PEX7: variants seen among roughly 807,000 people sequenced by gnomAD.
The protein encoded by PEX7 is peroxisomal biogenesis factor 7, also known as PTS2 receptor.
A neutral mutation model predicts 47.5 loss-of-function variants in PEX7; 34 were observed. That is an observed-to-expected ratio of 0.72 (90% confidence interval 0.54 to 0.95). The LOEUF is 0.95. PEX7 is among the 40% of genes least tolerant of loss of function. PEX7 has a pLI of 0.00. For missense variants in PEX7, 394 were observed against 400.3 expected (o/e 0.98, Z 0.13); for synonymous variants, 141 against 148.8 (o/e 0.95, Z 0.38).
chr6:136,848,900 T>C (rs1481347370), intron 5 of PEX7, among the ~76,000 whole-genome samples: 1 of 152,186 alleles, frequency 6.6e-6, no homozygotes, highest in East Asian at 1.9e-4. Flanking sequence ...CTTGTTCTAT[T>C]GATTGGAATA....
intron 5 of PEX7, among the ~76,000 whole-genome samples, chr6:136,847,858 A>G (rs1350748686): frequency 2.0e-5 from 3 of 152,098 alleles, no homozygotes; most frequent in African/African-American, 2.4e-5. Context: ...GAACTTTAAA[A>G]TAGTTTTTTC....
At chr6:136,881,111 T>C (rs1375569231) in intron 8 of PEX7, among the ~76,000 whole-genome samples, 1 of 152,058 alleles carries the variant, frequency 6.6e-6, no homozygotes, top group African/African-American at 2.4e-5. Context: ...GATAATTCAG[T>C]CCATAAGAAT....
intron 3 of PEX7, among the ~76,000 whole-genome samples, chr6:136,832,362 C>A (rs1774310393): frequency 6.6e-6 from 1 of 152,266 alleles, no homozygotes; most frequent in Non-Finnish European, 1.5e-5. Flanking sequence ...CACTCAGGCC[C>A]ACAAAACCAT....
chr6:136,825,157 C>G lies in PEX7; in HGVS notation c.131-57C>G, dbSNP rs377217778. 1.6e-5 allele frequency: 23 copies of G among 1,418,342 alleles called. No individual in the cohort carries two copies. In the Admixed American group the frequency reaches 3.7e-4, roughly 23 times the overall value. 87.9% of individuals were successfully genotyped at this position (1,418,342 alleles called of 1,614,324 possible). A position where few individuals can be genotyped will look rare whatever the true frequency, so the allele number is the denominator to read the frequency against. ...TATCAATTACTTGATAACTCCTTGA[C>G]TTTCGATGTTACCCTGGCAGGTTCA... On this transcript the variant is annotated intron_variant, in intron 1 of 9. Coordinates refer to ENST00000318471, the MANE Select transcript of PEX7 (RefSeq NM_000288.4).
intron 3 of PEX7, among the ~76,000 whole-genome samples, chr6:136,828,749 A>G (rs1205216750): frequency 6.6e-6 from 1 of 152,196 alleles, no homozygotes; most frequent in Non-Finnish European, 1.5e-5. Flanking sequence ...TTACCACCAT[A>G]GTCTTGAGCC....
chr6:136,848,529 T>A (rs765742605), intron 5 of PEX7, among the ~76,000 whole-genome samples: 1 of 152,220 alleles, frequency 6.6e-6, no homozygotes, highest in Non-Finnish European at 1.5e-5. Context: ...ATCCCATCAA[T>A]ACCTAGTTTA....
chr6:136,911,261 C>T (rs1014044341), intron 9 of PEX7, among the ~76,000 whole-genome samples: 2 of 152,114 alleles, frequency 1.3e-5, no homozygotes, highest in African/African-American at 4.8e-5. Context: ...TTCTGTATGT[C>T]CTCACTTGTT....
At chr6:136,888,809 C>G (rs1305907285) in intron 8 of PEX7, among the ~76,000 whole-genome samples, 1 of 152,038 alleles carries the variant, frequency 6.6e-6, no homozygotes, top group Non-Finnish European at 1.5e-5. Flanking sequence ...AATGTGGTTT[C>G]CACTTTAAAT....
At chr6:136,901,170 T>C (rs1775747328) in intron 9 of PEX7, 1 of 152,742 alleles carries the variant, frequency 6.5e-6, no homozygotes, top group Non-Finnish European at 1.5e-5. Flanking sequence ...TGGGCAGCTA[T>C]AGGAGAGAGA....
At chr6:136,845,812 T>TA in intron 4 of PEX7, 120 bp downstream of exon 4, 1 of 749,384 alleles carries the variant, frequency 1.3e-6, no homozygotes, top group Non-Finnish European at 2.3e-6. Flanking sequence ...GAGCTTTCTT[T>TA]TAAAAAAAAA....
At chr6:136,855,045 G>A (rs933494202) in intron 5 of PEX7, among the ~76,000 whole-genome samples, 9 of 151,082 alleles carry the variant, frequency 6.0e-5, no homozygotes, top group East Asian at 3.9e-4. Context: ...CCGAGATAGC[G>A]CCACCGTACC....
intron 8 of PEX7, among the ~76,000 whole-genome samples, chr6:136,872,909 A>G (rs1404828083): frequency 6.6e-6 from 1 of 152,174 alleles, no homozygotes; most frequent in African/African-American, 2.4e-5. Context: ...TTTGAAAAAA[A>G]CAATCTTACT....
chr6:136,899,607 T>C (rs565267364), intron 9 of PEX7, among the ~76,000 whole-genome samples: 3 of 152,240 alleles, frequency 2.0e-5, no homozygotes, highest in Admixed American at 6.5e-5. Context: ...CTCGAACTCC[T>C]GACCTCAAGT....
Position 136,894,993 on chromosome 6 carries a change from C to A in PEX7, c.804-3149C>A, listed in dbSNP as rs147087054. The stretch of plus-strand genomic sequence containing the variant: ...ACTTACGCGATAGATGCATGAAGGC[C>A]CTTGGATATATAGCACTTATGGGAT... On this transcript the variant is annotated intron_variant, in intron 8 of 9. Transcript: ENST00000318471. 2.0e-3 allele frequency among the ~76,000 whole-genome samples: 307 copies of A among 152,086 alleles called. 3 individuals are homozygous for A. The highest frequency in any genetic ancestry group is 6.7e-3 in the African/African-American group (277 of 41,498).
At chr6:136,840,704 A>G (rs747636835) in intron 3 of PEX7, among the ~76,000 whole-genome samples, 1 of 152,212 alleles carries the variant, frequency 6.6e-6, no homozygotes, top group Non-Finnish European at 1.5e-5. Flanking sequence ...CTCTTAAGAG[A>G]AATCATAGAC....
chr6:136,854,156 C>T (rs1250404510), intron 5 of PEX7, among the ~76,000 whole-genome samples: 1 of 151,994 alleles, frequency 6.6e-6, no homozygotes, highest in Non-Finnish European at 1.5e-5. Flanking sequence ...ATCAATTAAC[C>T]CTTTCATTTA....
intron 1 of PEX7, among the ~76,000 whole-genome samples, 194 bp from the exon 2 acceptor site, chr6:136,825,020 A>T (rs1424027882): frequency 6.6e-6 from 1 of 152,228 alleles, no homozygotes; most frequent in Non-Finnish European, 1.5e-5. Context: ...AGAAATAGAG[A>T]ACACATTTGG....
intron 3 of PEX7, among the ~76,000 whole-genome samples, chr6:136,827,839 G>A (rs971699338): frequency 6.6e-6 from 1 of 151,858 alleles, no homozygotes; most frequent in African/African-American, 2.4e-5. Flanking sequence ...GCCAATTTTT[G>A]TGTGTGTGTG....
chr6:136,882,176 T>TTC (rs1491507201), intron 8 of PEX7, among the ~76,000 whole-genome samples: 2 of 72,728 alleles, frequency 2.7e-5, no homozygotes, highest in African/African-American at 1.3e-4. Context: ...CTTCTTCTTC[T>TTC]TTTTTTTTTT....
Sources: allele counts gnomAD v4.1 joint callset (sites outside exome capture counted in the v4.1 genomes callset), GRCh38; gene constraint gnomAD v4.1.1; transcripts MANE v1.5; gene names NCBI Gene and HGNC (gene_info 2026-07-23, HGNC 2026-07-21).